The following RPS6KA2 variants were observed in gnomAD, a reference collection of about 807,000 sequenced individuals.
RPS6KA2 encodes ribosomal protein S6 kinase A2.
RPS6KA2 carries 42 observed loss-of-function variants against 91.8 expected under a neutral mutation model. The ratio of observed to expected loss-of-function variants is 0.46; its 90% CI spans 0.36 to 0.59. The LOEUF (loss-of-function observed/expected upper bound fraction) is 0.59. RPS6KA2 is among the 20% of genes least tolerant of loss of function. RPS6KA2 has a pLI of 0.00. For missense variants in RPS6KA2, 798 were observed against 978.5 expected, an observed-to-expected ratio of 0.82 and a Z score of 2.46; for synonymous variants, 414 against 393.6, an observed-to-expected ratio of 1.05 and a Z score of -0.61.
intron 19 of RPS6KA2, among the ~76,000 whole-genome samples, chr6:166,414,372 G>A (rs772634865): frequency 3.9e-5 from 6 of 152,014 alleles, no homozygotes; most frequent in Non-Finnish European, 8.8e-5. Flanking sequence ...ATCAGAAACC[G>A]CAAAATCTAC....
intron 2 of RPS6KA2, among the ~76,000 whole-genome samples, chr6:166,695,905 G>C (rs1029191410): frequency 6.6e-6 from 1 of 152,108 alleles, no homozygotes; most frequent in African/African-American, 2.4e-5. Context: ...ATTCTCACAG[G>C]AGCACTAGAT....
At chr6:166,465,643 C>T (rs1780491301) in intron 11 of RPS6KA2, among the ~76,000 whole-genome samples, 1 of 152,228 alleles carries the variant, frequency 6.6e-6, no homozygotes, top group Admixed American at 6.5e-5. Flanking sequence ...TTCTTCTCCT[C>T]CTTCTGCCCC....
intron 2 of RPS6KA2, among the ~76,000 whole-genome samples, chr6:166,719,193 C>T (rs1265860692): frequency 1.3e-5 from 2 of 152,220 alleles, no homozygotes; most frequent in East Asian, 1.9e-4. Context: ...ATTTAGTGAG[C>T]TCCTCTTATG....
At chr6:166,668,787 CT>C (rs1333201460) in intron 2 of RPS6KA2, among the ~76,000 whole-genome samples, 7 of 152,134 alleles carry the variant, frequency 4.6e-5, no homozygotes, top group African/African-American at 1.4e-4. Context: ...GGTTTCCTTT[CT>C]TTTTTTCTTT....
Position 166,639,312 on chromosome 6 carries a change from C to T in RPS6KA2, c.124-100528G>A, listed in dbSNP as rs60958704. Among the ~76,000 whole-genome samples, 1 of 152,210 alleles carries T rather than the reference C, an allele frequency of 6.6e-6. No homozygotes were observed. The highest frequency in any genetic ancestry group is 2.4e-5 in the African/African-American group (1 of 41,440). On this transcript the variant is annotated intron_variant, in intron 2 of 21. Transcript: ENST00000503859. This position sits in a 1 kb window ranked among gnomAD's most constrained non-coding sequence, Gnocchi z 4.2. ...TCCTTATTCCCTACGTCTCTAGTTA[C>T]TGAGATTTGTCAACTGTGCCTTCTA...
intron 10 of RPS6KA2, among the ~76,000 whole-genome samples, chr6:166,478,277 G>A (rs916837795): frequency 1.3e-5 from 2 of 151,942 alleles, no homozygotes; most frequent in African/African-American, 2.4e-5. Context: ...GATGTCATTT[G>A]GGTGCTTGGG....
At chr6:166,549,663 T>C (rs775600076) in intron 1 of RPS6KA2, among the ~76,000 whole-genome samples, 1 of 152,030 alleles carries the variant, frequency 6.6e-6, no homozygotes, top group East Asian at 1.9e-4. Context: ...TGGGGGGGTG[T>C]GTGTGTCCAT....
chr6:166,817,649 T>C (rs1298845913), intron 2 of RPS6KA2, among the ~76,000 whole-genome samples: 1 of 152,156 alleles, frequency 6.6e-6, no homozygotes, highest in Non-Finnish European at 1.5e-5. Context: ...GTTGTTACAA[T>C]TGTGCATTAT....
At chr6:166,550,548 A>G (rs1430025803) in intron 1 of RPS6KA2, among the ~76,000 whole-genome samples, 2 of 152,202 alleles carry the variant, frequency 1.3e-5, no homozygotes, top group East Asian at 3.8e-4. Context: ...CAGGGTACAG[A>G]TGGCGAACAT....
At chr6:166,668,378 T>C (rs1172154463) in intron 2 of RPS6KA2, among the ~76,000 whole-genome samples, 1 of 152,070 alleles carries the variant, frequency 6.6e-6, no homozygotes, top group Non-Finnish European at 1.5e-5. Context: ...CCTTTTCCAT[T>C]CCAAGCCACA....
chr6:166,688,457 G>A (rs969533041), intron 2 of RPS6KA2, among the ~76,000 whole-genome samples: 10 of 152,210 alleles, frequency 6.6e-5, no homozygotes, highest in Non-Finnish European at 1.0e-4. Context: ...AGCTGGCCAC[G>A]GGTGGCTGGG....
chr6:166,776,109 C>G (rs1421308128), intron 2 of RPS6KA2, among the ~76,000 whole-genome samples: 1 of 152,202 alleles, frequency 6.6e-6, no homozygotes, highest in African/African-American at 2.4e-5. Context: ...CCATCCGGCT[C>G]TGGGGGCCAG....
chr6:166,726,034 G>C lies in RPS6KA2; in HGVS notation c.123+132166C>G, dbSNP rs141911127. 6.6e-6 allele frequency among the ~76,000 whole-genome samples: 1 copy of C among 152,326 alleles called. No individual in the cohort carries two copies. Among genetic ancestry groups the C allele is most frequent in the East Asian group, 1.9e-4 (1 of 5,176 alleles). On this transcript the variant is annotated intron_variant, in intron 2 of 21. Transcript: ENST00000503859. The surrounding 1 kb of genome is among the most constrained non-coding windows in gnomAD (Gnocchi z 4.4). Reference sequence around the variant, plus strand: ...AGAAAAGATTGTTTTCAGGCCAAGAGTAAGATGTAAGAATGTGCTGTGAAC... The same window carrying C: ...AGAAAAGATTGTTTTCAGGCCAAGACTAAGATGTAAGAATGTGCTGTGAAC...
intron 3 of RPS6KA2, among the ~76,000 whole-genome samples, 169 bp from the exon 4 acceptor site, chr6:166,510,526 C>T (rs987309122): frequency 1.1e-4 from 11 of 95,918 alleles, no homozygotes; most frequent in Admixed American, 3.7e-4. Flanking sequence ...CAACTGCTTA[C>T]GTTTTAATAC....
At chr6:166,449,426 T>C (rs1014066792) in intron 13 of RPS6KA2, among the ~76,000 whole-genome samples, 3 of 152,202 alleles carry the variant, frequency 2.0e-5, no homozygotes, top group African/African-American at 7.2e-5. Flanking sequence ...CCATTCAACT[T>C]ACCCGGATTT....
intron 1 of RPS6KA2, among the ~76,000 whole-genome samples, chr6:166,576,650 C>G (rs1330296495): frequency 2.6e-5 from 4 of 152,124 alleles, no homozygotes; most frequent in African/African-American, 4.8e-5. Context: ...ACAAAGCATT[C>G]AAGAGGTGAC....
chr6:166,675,411 A>T (rs1788590738), intron 2 of RPS6KA2, among the ~76,000 whole-genome samples: 1 of 152,094 alleles, frequency 6.6e-6, no homozygotes, highest in Non-Finnish European at 1.5e-5. Flanking sequence ...CCACGCTGTT[A>T]ATCAGCTGCC....
chr6:166,586,431 G>A, intron 1 of RPS6KA2: 1 of 1,599,840 alleles, frequency 6.3e-7, no homozygotes, highest in South Asian at 1.1e-5. Flanking sequence ...GAATCTACTA[G>A]CAAACATCTC....
intron 2 of RPS6KA2, chr6:166,701,316 T>C: frequency 1.3e-6 from 2 of 1,538,492 alleles, no homozygotes; most frequent in Non-Finnish European, 1.7e-6. Context: ...CCGTTTTGCC[T>C]CCTTTTCCAG....
Sources: gnomAD v4.1 joint callset for allele counts (sites outside exome capture counted in the v4.1 genomes callset) on GRCh38, gnomAD v4.1.1 for gene constraint, Gnocchi (gnomAD v3.1) non-coding constraint, MANE v1.5 for transcripts, NCBI Gene and HGNC (gene_info 2026-07-23, HGNC 2026-07-21) for gene names.